Variants in HMCN1 observed in about 807,000 individuals in gnomAD.
The protein encoded by HMCN1 is hemicentin 1.
In HMCN1, 321 loss-of-function variants were observed where a neutral mutation model predicts 625.9. The observed-to-expected ratio is 0.51, with a 90% confidence interval of 0.47 to 0.56. The LOEUF (loss-of-function observed/expected upper bound fraction) is 0.56, where lower values mean the gene tolerates loss of function less well. HMCN1 is among the 20% of genes least tolerant of loss of function. HMCN1 has a pLI of 0.00. For missense variants in HMCN1, 6,588 were observed against 6,887.3 expected (o/e 0.96, Z 1.54); for synonymous variants, 2,425 against 2,417.6 (o/e 1.00, Z -0.09).
rs754169900 is a variant in HMCN1, at chr1:186,012,006, G to GGTTA, written c.4631-3151_4631-3150insTAGT. Among the ~76,000 whole-genome samples, 8 of 152,254 alleles carry GGTTA rather than the reference G, an allele frequency of 5.3e-5. No homozygotes were observed. In the East Asian group the frequency reaches 7.7e-4, roughly 15 times the overall value. ...CCACTAACGCATTGACCTGCTGTGT[G>GGTTA]GTAAGGCCAGTCAGGATATTCAGTT... On this transcript the variant is annotated intron_variant, in intron 30 of 106. Transcript: ENST00000271588.
chr1:185,806,515 G>T (rs191351675), intron 1 of HMCN1, among the ~76,000 whole-genome samples: 1 of 140,718 alleles, frequency 7.1e-6, no homozygotes, highest in African/African-American at 2.6e-5. Flanking sequence ...CCACTTCGCT[G>T]TAGCCTGGGC....
Position 186,166,229 on chromosome 1 carries a change from A to G in HMCN1, c.15365A>G (p.His5122Arg), listed in dbSNP as rs773978369. 11 of 1,613,932 alleles carry G rather than the reference A, an allele frequency of 6.8e-6. No individual in the cohort carries two copies. The highest frequency in any genetic ancestry group is 1.7e-5 in the Admixed American group (1 of 60,002). ...GGGAATCCCTGCTCCCATAGCTGCC[A>G]CAATGCCATGGGGACTTACTACTGC... Reference protein sequence around the residue: ...AAGNPCSHSCHNAMGTYYCSC... With the variant: ...AAGNPCSHSCRNAMGTYYCSC... The change falls in exon 99 of 107, where the codon CAC (histidine) becomes CGC (arginine). Residue 5122 changes from histidine to arginine, a missense_variant. Transcript: ENST00000271588.
At chr1:185,986,661 T>G (rs1652012922) in intron 19 of HMCN1, among the ~76,000 whole-genome samples, 1 of 151,966 alleles carries the variant, frequency 6.6e-6, no homozygotes, top group Admixed American at 6.6e-5. Flanking sequence ...TTCTTCTTAC[T>G]GAAAAATATT....
At chr1:185,828,239 C>A (rs1660643002) in intron 1 of HMCN1, among the ~76,000 whole-genome samples, 1 of 151,640 alleles carries the variant, frequency 6.6e-6, no homozygotes, top group Non-Finnish European at 1.5e-5. Context: ...AAGTAATAAG[C>A]CTTATAAAAA....
Position 186,114,109 on chromosome 1 carries a change from T to C in HMCN1, c.11262T>C (p.Ala3754=), listed in dbSNP as rs774468190. The C allele has an allele frequency of 1.7e-5, 27 of 1,613,972 alleles. No individual in the cohort carries two copies. The East Asian group carries it at 6.0e-4, about 36-fold the overall frequency. ...GGAGAAAGGATGGAGCTGTTCTAGC[T>C]GGGAATCATGCAAGGTAACCATACT... ...ITWRKDGAVL[A]GNHARYSILE... The change falls in exon 73 of 107, where the codon GCT becomes GCC. Residue 3754 remains alanine (A), a synonymous_variant. Transcript: ENST00000271588.
intron 100 of HMCN1, among the ~76,000 whole-genome samples, chr1:186,167,784 G>T (rs1651971822): frequency 6.6e-6 from 1 of 152,164 alleles, no homozygotes; most frequent in East Asian, 1.9e-4. Context: ...TAACATTTAA[G>T]TTTCCTCCAC....
At chr1:186,168,766 CT>C (rs531554305) in intron 100 of HMCN1, among the ~76,000 whole-genome samples, 26 of 148,230 alleles carry the variant, frequency 1.8e-4, no homozygotes, top group South Asian at 1.3e-3. Flanking sequence ...GAAGGAAGGA[CT>C]TTTTTTTTTA....
intron 4 of HMCN1, among the ~76,000 whole-genome samples, chr1:185,902,490 C>G (rs1268540202): frequency 2.0e-5 from 3 of 151,390 alleles, no homozygotes; most frequent in Non-Finnish European, 4.4e-5. Context: ...ATAGATGACC[C>G]TGAAGCTATT....
In HMCN1 at chr1:186,134,098, G is replaced by A. The variant is rs1386757907; in HGVS notation, c.13312+1689G>A. Among the ~76,000 whole-genome samples, 3 of 152,220 alleles carry A rather than the reference G, an allele frequency of 2.0e-5. No individual in the cohort carries two copies. In the East Asian group the frequency reaches 5.8e-4, roughly 29 times the overall value. ...ACATATTGACAATAAATTCATTTTA[G>A]TAAGTGAGGCATATTAAATAGTCAA... On this transcript the variant is annotated intron_variant, in intron 86 of 106. Coordinates refer to ENST00000271588, the MANE Select transcript of HMCN1 (RefSeq NM_031935.3).
rs535249948 is a variant in HMCN1, at chr1:186,081,079, CAT to C, written c.8600-124_8600-123del. On this transcript the variant is annotated intron_variant, in intron 55 of 106. Coordinates refer to ENST00000271588, the MANE Select transcript of HMCN1 (RefSeq NM_031935.3). Reference sequence around the variant, plus strand: ...TTAGTATAAAATGTTACCTGGGGATCATATAGTTTCTCCTTCAAGTTTTGCTT... The same window carrying C: ...TTAGTATAAAATGTTACCTGGGGATCATAGTTTCTCCTTCAAGTTTTGCTT... 852 of 802,370 alleles carry C rather than the reference CAT, an allele frequency of 1.1e-3. 4 individuals are homozygous for C. The African/African-American group carries it at 0.013, about 12-fold the overall frequency. The allele number at this position is 802,370 out of a possible 1,614,324, so 49.7% of individuals were successfully genotyped here.
intron 71 of HMCN1, among the ~76,000 whole-genome samples, chr1:186,110,977 C>CTTTTTCTTTTTTTTTTTTTTTT (rs1660848196): frequency 9.7e-5 from 6 of 61,648 alleles, no homozygotes; most frequent in African/African-American, 4.9e-4. Flanking sequence ...AGAGAAAATT[C>CTTTTTCTTTTTTTTTTTTTTTT]TTTTTTTTTT....
Position 186,123,088 on chromosome 1 carries a change from A to C in HMCN1, c.12367A>C (p.Ile4123Leu), listed in dbSNP as rs767031631. The C allele has an allele frequency of 6.2e-7, 1 of 1,614,156 alleles. No individual in the cohort carries two copies. The highest frequency in any genetic ancestry group is 8.5e-7 in the Non-Finnish European group (1 of 1,180,012). Residue 4123 changes from isoleucine to leucine, a missense_variant, in exon 81 of 107, where the codon ATC (isoleucine) becomes CTC (leucine). This residue lies in a region of HMCN1 where 1,954 missense variants were observed against 2,013.1 expected (regional missense o/e 0.97). Transcript: ENST00000271588. The part of the protein sequence containing the change: ...HKDGRAIVES[I>L]RQRVLSSGSL... ...AGATGGGCGTGCAATTGTGGAATCTATCCGCCAGCGCGTCCTCAGCTCTGG... is the reference window on the plus strand; with the variant it reads ...AGATGGGCGTGCAATTGTGGAATCTCTCCGCCAGCGCGTCCTCAGCTCTGG...
chr1:186,102,516 G>T (rs1660429092), intron 68 of HMCN1, among the ~76,000 whole-genome samples: 1 of 152,080 alleles, frequency 6.6e-6, no homozygotes, highest in Non-Finnish European at 1.5e-5. Flanking sequence ...GCCACACACT[G>T]ATCCTATTAG....
chr1:186,163,168 G>C (rs558008669), intron 97 of HMCN1, among the ~76,000 whole-genome samples: 130 of 152,298 alleles, frequency 8.5e-4, no homozygotes, highest in Non-Finnish European at 1.8e-3. Context: ...AGACTGCTGT[G>C]CTAGCAATCA....
At chr1:185,943,813 C>T (rs1421048462) in intron 11 of HMCN1, among the ~76,000 whole-genome samples, 2 of 152,168 alleles carry the variant, frequency 1.3e-5, no homozygotes, top group East Asian at 3.8e-4. Context: ...TGTAACCCTT[C>T]GTCTTTCTGG....
intron 1 of HMCN1, among the ~76,000 whole-genome samples, chr1:185,746,966 A>T (rs927540538): frequency 3.9e-5 from 6 of 152,162 alleles, no homozygotes; most frequent in Non-Finnish European, 7.4e-5. Context: ...CGATACTCCA[A>T]TGTGGTCGCC....
rs1482469706 is a variant in HMCN1, at chr1:186,174,748, CAAT to C, written c.15943+112_15943+114del. Reference sequence around the variant, plus strand: ...TCTATCCTCAAATGGTCTCTTGTTACAATAATAAGGTATGTGAATTGATTTACG... The same window carrying C: ...TCTATCCTCAAATGGTCTCTTGTTACAATAAGGTATGTGAATTGATTTACG... On this transcript the variant is annotated intron_variant, in intron 103 of 106. Coordinates refer to ENST00000271588, the MANE Select transcript of HMCN1 (RefSeq NM_031935.3). 7 of 994,834 alleles carry C rather than the reference CAAT, an allele frequency of 7.0e-6. No homozygotes were observed. In the African/African-American group the frequency reaches 1.1e-4, roughly 16 times the overall value. The allele number at this position is 994,834 out of a possible 1,614,324, so 61.6% of individuals were successfully genotyped here. A position where few individuals can be genotyped will look rare whatever the true frequency, so the allele number is the denominator to read the frequency against.
intron 1 of HMCN1, among the ~76,000 whole-genome samples, chr1:185,772,471 C>T (rs77114004): frequency 6.6e-6 from 1 of 152,230 alleles, no homozygotes; most frequent in Non-Finnish European, 1.5e-5. Context: ...TCATCTTGAA[C>T]TTCATGAACT....
In HMCN1 at chr1:186,165,114, A is replaced by T. The variant is rs41317507; in HGVS notation, c.15260A>T (p.Asp5087Val). The change falls in exon 98 of 107, where the codon GAT becomes GTT. Residue 5087 changes from aspartate to valine, a missense_variant. By Grantham distance (152) the Asp-to-Val change is radical (BLOSUM62 -3). This residue lies in a region of HMCN1 where 1,954 missense variants were observed against 2,013.1 expected (regional missense o/e 0.97). Coordinates refer to ENST00000271588, the MANE Select transcript of HMCN1 (RefSeq NM_031935.3). ...FKIHASISKG[D>V]RSNQCPSGFT... is the part of the protein sequence containing the mutation. ...TTTGCTTTCCTCTCTGTGGTAGGAG[A>T]TCGCAGTAATCAGTGCCCCTCCGGG... 0.029 allele frequency: 46,546 copies of T among 1,613,638 alleles called. 2,792 individuals are homozygous for T. Among genetic ancestry groups the T allele is most frequent in the African/African-American group, 0.25 (18,894 of 74,888 alleles).
Sources: gnomAD v4.1 joint callset for allele counts (sites outside exome capture counted in the v4.1 genomes callset) on GRCh38, gnomAD v4.1.1 for gene constraint, gnomAD v4.1.1 regional missense constraint, MANE v1.5 for transcripts, NCBI Gene and HGNC (gene_info 2026-07-23, HGNC 2026-07-21) for gene names.